Variants in CBX1 observed in about 807,000 individuals in gnomAD.
CBX1 encodes chromobox 1.
In CBX1, 10 loss-of-function variants were observed where a neutral mutation model predicts 25.1. That is an observed-to-expected ratio of 0.40 (90% CI 0.25 to 0.68). The LOEUF is 0.68. CBX1 is among the 30% of genes least tolerant of loss of function. CBX1 has a pLI of 0.40. For synonymous variants in CBX1, 63 were observed against 79.4 expected (o/e 0.79, Z 1.10); for missense variants, 106 against 218.5 (o/e 0.49, Z 3.25).
chr17:48,074,843 T>TC, intron 4 of CBX1, 163 bp downstream of exon 4: 1 of 649,362 alleles, frequency 1.5e-6, no homozygotes, highest in Non-Finnish European at 2.8e-6. Flanking sequence ...AACTCATGAG[T>TC]CCAGGGTGGC....
chr17:48,095,886 T>TC (rs1348725263), intron 1 of CBX1: 1 of 152,132 alleles, frequency 6.6e-6, no homozygotes, highest in African/African-American at 2.4e-5. Context: ...AGCAGGAGTT[T>TC]CTTTTTTTTT....
At chr17:48,100,404 C>A (rs1006222611) in intron 1 of CBX1, 1 of 152,028 alleles carries the variant, frequency 6.6e-6, no homozygotes, top group South Asian at 2.1e-4. Context: ...CAAAAACGTA[C>A]GGAACTAATT....
At chr17:48,094,424 ACT>A (rs776876538) in intron 1 of CBX1, among the ~76,000 whole-genome samples, 16 of 149,936 alleles carry the variant, frequency 1.1e-4, no homozygotes, top group Non-Finnish European at 1.9e-4. Flanking sequence ...ACAGGACAAG[ACT>A]CTGTCTCCAA....
At chr17:48,100,645 T>C (rs750961406) in intron 1 of CBX1, 101 of 823,090 alleles carry the variant, frequency 1.2e-4, no homozygotes, top group Middle Eastern at 1.3e-3. Flanking sequence ...GCCCTACTTA[T>C]CCTAACAGCT....
At chr17:48,090,557 C>G (rs745918487) in intron 1 of CBX1, among the ~76,000 whole-genome samples, 8 of 152,180 alleles carry the variant, frequency 5.3e-5, no homozygotes, top group Non-Finnish European at 1.2e-4. Flanking sequence ...TCATCTCTTG[C>G]AATGGGTAAC....
At position 48,101,418 on chromosome 17, in the gene CBX1, C is replaced by T. The variant is rs1043380876; in HGVS notation, c.-188G>A. On this transcript the variant is annotated 5_prime_UTR_variant, in exon 1 of 5. Transcript: ENST00000225603. ...TGAAGCGGCGTACCGCAGGCCCCGG[C>T]CAACGGCCCTCCCCTCAGCCGAACA... 3.0e-6 allele frequency: 3 copies of T among 985,418 alleles called. No individual in the cohort carries two copies. The highest frequency in any genetic ancestry group is 2.3e-4 in the East Asian group (2 of 8,814). 61.0% of individuals were successfully genotyped at this position (985,418 alleles called of 1,614,324 possible).
chr17:48,076,318 A>C (rs1264508749), intron 2 of CBX1, 140 bp from the exon 3 acceptor site: 3 of 591,204 alleles, frequency 5.1e-6, no homozygotes, highest in Non-Finnish European at 5.5e-6. Flanking sequence ...TTTAGTATAA[A>C]TAGAAAGCTA....
chr17:48,071,478 G>A lies in CBX1; in HGVS notation c.515C>T (p.Ser172Phe). The change falls in exon 5 of 5, where the codon TCC becomes TTC. Residue 172 changes from serine (S) to phenylalanine (F), a missense_variant. Ser to Phe is a radical substitution (Grantham distance 155, BLOSUM62 -2). Transcript: ENST00000225603. ...SFYEERLTWHSYPSEDDDKKD... is the reference protein window; with the variant it reads ...SFYEERLTWHFYPSEDDDKKD... The stretch of plus-strand genomic sequence containing the variant: ...TTTGTCATCATCCTCCGAGGGGTAG[G>A]AATGCCACGTCAGCCTTTCCTCATA... The A allele has an allele frequency of 6.2e-7, 1 of 1,613,332 alleles. No individual in the cohort carries two copies. The highest frequency in any genetic ancestry group is 1.1e-5 in the South Asian group (1 of 91,028).
At chr17:48,074,155 A>G (rs2037652945) in intron 4 of CBX1, among the ~76,000 whole-genome samples, 2 of 152,212 alleles carry the variant, frequency 1.3e-5, no homozygotes, top group Admixed American at 1.3e-4. Flanking sequence ...GTAAAAGAGG[A>G]TAATTAGTAC....
chr17:48,088,276 A>C (rs1474374537), intron 1 of CBX1: 1 of 150,494 alleles, frequency 6.6e-6, no homozygotes, highest in Non-Finnish European at 1.5e-5. Context: ...GCGCCACTGC[A>C]CTCCAGCCTG....
At chr17:48,086,057 C>T (rs930725016) in intron 1 of CBX1, among the ~76,000 whole-genome samples, 2 of 151,888 alleles carry the variant, frequency 1.3e-5, no homozygotes, top group Non-Finnish European at 2.9e-5. Flanking sequence ...GGTGACACAG[C>T]GAGACTCTGT....
At chr17:48,097,999 C>T (rs62064921) in intron 1 of CBX1, among the ~76,000 whole-genome samples, 3,424 of 152,262 alleles carry the variant, frequency 0.022, 66 homozygotes, top group Non-Finnish European at 0.035. Context: ...GTATTTAAAA[C>T]GGCCAGTTGC....
chr17:48,076,402 T>C (rs2037674923), intron 2 of CBX1, among the ~76,000 whole-genome samples: 1 of 152,148 alleles, frequency 6.6e-6, no homozygotes, highest in African/African-American at 2.4e-5. Context: ...CACACAAAAC[T>C]GTTTCTCAGC....
intron 1 of CBX1, among the ~76,000 whole-genome samples, chr17:48,099,228 G>A (rs1222426035): frequency 6.6e-6 from 1 of 151,942 alleles, no homozygotes; most frequent in Non-Finnish European, 1.5e-5. Flanking sequence ...TCAGCCTCCC[G>A]AGTAGCTGGG....
intron 4 of CBX1, chr17:48,074,794 A>G: frequency 2.0e-6 from 1 of 502,230 alleles, no homozygotes; most frequent in Non-Finnish European, 3.6e-6. Context: ...TCCTAAAAAT[A>G]TGGGCAAAGA....
intron 1 of CBX1, among the ~76,000 whole-genome samples, chr17:48,079,095 C>CCATGTTCTCTTGTTCTT (rs1159912178): frequency 6.6e-6 from 1 of 151,324 alleles, no homozygotes. Flanking sequence ...CCGAACCCAG[C>CCATGTTCTCTTGTTCTT]TCCAGCCCCG....
At position 48,084,731 on chromosome 17, in the gene CBX1, A is replaced by G. The variant is rs1252730589; in HGVS notation, c.-37-7690T>C. On this transcript the variant is annotated intron_variant, in intron 1 of 4. Transcript: ENST00000225603. ...CGAGACCATCCTGGCTAACATGGTGAAACCCCGTCTCTACTAAATGTACAA... is the reference window on the plus strand; with the variant it reads ...CGAGACCATCCTGGCTAACATGGTGGAACCCCGTCTCTACTAAATGTACAA... Among the ~76,000 whole-genome samples the G allele has an allele frequency of 2.0e-5, 3 of 149,508 alleles. No individual in the cohort carries two copies. In the East Asian group the frequency reaches 5.9e-4, roughly 29 times the overall value.
At chr17:48,097,665 G>C (rs2144475562) in intron 1 of CBX1, among the ~76,000 whole-genome samples, 1 of 151,500 alleles carries the variant, frequency 6.6e-6, no homozygotes, top group Non-Finnish European at 1.5e-5. Context: ...CGCACTCAAA[G>C]TGTCAACTAT....
At chr17:48,087,095 A>G (rs977563552) in intron 1 of CBX1, among the ~76,000 whole-genome samples, 1 of 151,708 alleles carries the variant, frequency 6.6e-6, no homozygotes, top group Non-Finnish European at 1.5e-5. Context: ...AGGCTGAGGC[A>G]GGAGAATCAG....
Sources: gnomAD v4.1 joint callset for allele counts (sites outside exome capture counted in the v4.1 genomes callset) on GRCh38, gnomAD v4.1.1 for gene constraint, MANE v1.5 for transcripts, NCBI Gene and HGNC (gene_info 2026-07-23, HGNC 2026-07-21) for gene names.